ARL5B: variants seen among roughly 807,000 people sequenced by gnomAD.
ARL5B encodes ARF like GTPase 5B.
ARL5B carries 10 observed loss-of-function variants against 26.9 expected under a neutral mutation model. The ratio of observed to expected loss-of-function variants is 0.37; its 90% CI spans 0.23 to 0.63. The LOEUF is 0.63. Ranked by LOEUF, ARL5B falls within the 30% of genes least tolerant of loss-of-function variation. The pLI is 0.62. For missense variants in ARL5B, 167 were observed against 213.9 expected, an observed-to-expected ratio of 0.78 and a Z score of 1.37; for synonymous variants, 87 against 70.4, an observed-to-expected ratio of 1.24 and a Z score of -1.18.
rs1345979938 is a variant in ARL5B, at chr10:18,676,128, T to C, written c.*912T>C. On this transcript the variant is annotated 3_prime_UTR_variant, in exon 6 of 6. Transcript: ENST00000377275. ...TTTTAGCTCTTTTCTTTGCAAGATATATCACAGCTGCTTTGGGCAGTAGCT... is the reference window on the plus strand; with the variant it reads ...TTTTAGCTCTTTTCTTTGCAAGATACATCACAGCTGCTTTGGGCAGTAGCT... The C allele has an allele frequency of 2.0e-5, 3 of 152,644 alleles. No homozygotes were observed. Among genetic ancestry groups the C allele is most frequent in the East Asian group, 1.9e-4 (1 of 5,186 alleles). The allele number at this position is 152,644 out of a possible 1,614,324, so 9.5% of individuals were successfully genotyped here.
At chr10:18,673,534 TCA>T in intron 4 of ARL5B, among the ~76,000 whole-genome samples, 1 of 152,304 alleles carries the variant, frequency 6.6e-6, no homozygotes, top group Non-Finnish European at 1.5e-5. Flanking sequence ...TATGAGTATA[TCA>T]CAATCTATTC....
At position 18,675,174 on chromosome 10, in the gene ARL5B, C is replaced by T. The variant is rs1251471997; in HGVS notation, c.498C>T (p.Cys166=). 6.2e-7 allele frequency: 1 copy of T among 1,612,646 alleles called. No homozygotes were observed. Among genetic ancestry groups the T allele is most frequent in the Non-Finnish European group, 8.5e-7 (1 of 1,179,090 alleles). Residue 166 remains cysteine (C), a synonymous_variant, in exon 6 of 6, where the codon TGC becomes TGT. Coordinates refer to ENST00000377275, the MANE Select transcript of ARL5B (RefSeq NM_178815.5). ...SCCALTGEGL[C]QGLEWMTSRI... ...ACTTCTATCTTTTGTTTAGGTTATG[C>T]CAAGGTCTAGAGTGGATGACCTCCC...
At position 18,678,441 on chromosome 10, in the gene ARL5B, C is replaced by T. The variant is rs945569754; in HGVS notation, c.*3225C>T. 1 of 151,726 alleles carries T rather than the reference C, an allele frequency of 6.6e-6. No homozygotes were observed. The highest frequency in any genetic ancestry group is 2.4e-5 in the African/African-American group (1 of 41,388). The allele number at this position is 151,726 out of a possible 1,614,324, so 9.4% of individuals were successfully genotyped here. A position where few individuals can be genotyped will look rare whatever the true frequency, so the allele number is the denominator to read the frequency against. ...TAGGCAGTGCTGTAAACAATATTCT[C>T]TGAAAAGTTGTGGGGGTCACAAAGA... On this transcript the variant is annotated 3_prime_UTR_variant, in exon 6 of 6. Coordinates refer to ENST00000377275, the MANE Select transcript of ARL5B (RefSeq NM_178815.5).
At chr10:18,670,897 T>C (rs1292763997) in intron 3 of ARL5B, among the ~76,000 whole-genome samples, 1 of 152,214 alleles carries the variant, frequency 6.6e-6, no homozygotes, top group Non-Finnish European at 1.5e-5. Flanking sequence ...ATAAGTGATC[T>C]CTACAAGAAT....
Position 18,675,370 on chromosome 10 carries a change from A to G in ARL5B, c.*154A>G, listed in dbSNP as rs2059906025. Reference sequence around the variant, plus strand: ...TCAAGTGCAGCTGAACTGGAACATAAAAGATTTTTTCTTAACTTTTTTTTT... The same window carrying G: ...TCAAGTGCAGCTGAACTGGAACATAGAAGATTTTTTCTTAACTTTTTTTTT... On this transcript the variant is annotated 3_prime_UTR_variant, in exon 6 of 6. Transcript: ENST00000377275. The G allele has an allele frequency of 1.5e-6, 1 of 666,542 alleles. No homozygotes were observed. Among genetic ancestry groups the G allele is most frequent in the South Asian group, 2.4e-5 (1 of 42,136 alleles). The allele number at this position is 666,542 out of a possible 1,614,324, so 41.3% of individuals were successfully genotyped here.
At chr10:18,666,790 A>G (rs1000769139) in intron 2 of ARL5B, among the ~76,000 whole-genome samples, 155 bp downstream of exon 2, 15 of 152,202 alleles carry the variant, frequency 9.9e-5, no homozygotes, top group Middle Eastern at 6.3e-3. Context: ...TCTATAGAAA[A>G]GTGAGTGAAA....
At chr10:18,669,672 AT>A (rs11305973) in intron 3 of ARL5B, among the ~76,000 whole-genome samples, 84,140 of 151,832 alleles carry the variant, frequency 0.55, 23,879 homozygotes, top group East Asian at 0.97. Context: ...CTAACCAATT[AT>A]TTTTTTCTAA....
chr10:18,666,775 C>T, intron 2 of ARL5B, 140 bp downstream of exon 2: 1 of 634,150 alleles, frequency 1.6e-6, no homozygotes, highest in Non-Finnish European at 2.5e-6. Flanking sequence ...TTTTACCGAA[C>T]ACAATCTATA....
At chr10:18,664,713 C>T (rs2059853390) in intron 1 of ARL5B, among the ~76,000 whole-genome samples, 1 of 152,150 alleles carries the variant, frequency 6.6e-6, no homozygotes, top group Admixed American at 6.5e-5. Flanking sequence ...GCTAAGATTA[C>T]AGGCGTAAGG....
intron 3 of ARL5B, among the ~76,000 whole-genome samples, chr10:18,672,008 A>G (rs926492961): frequency 4.6e-5 from 7 of 152,180 alleles, no homozygotes; most frequent in East Asian, 3.9e-4. Flanking sequence ...TAGCTTTACC[A>G]ACAGATTTCT....
At chr10:18,660,634 A>G (rs2059828688) in intron 1 of ARL5B, among the ~76,000 whole-genome samples, 1 of 152,168 alleles carries the variant, frequency 6.6e-6, no homozygotes, top group Non-Finnish European at 1.5e-5. Flanking sequence ...TTGTGGAGGT[A>G]ATGGAATGGC....
intron 2 of ARL5B, 93 bp from the exon 3 acceptor site, chr10:18,668,437 C>A: frequency 2.2e-6 from 3 of 1,358,932 alleles, no homozygotes; most frequent in Non-Finnish European, 1.0e-6. Flanking sequence ...ATCATTGGTG[C>A]AGAAGGTTGA....
At chr10:18,659,770 G>T in intron 1 of ARL5B, 87 bp downstream of exon 1, 1 of 1,567,894 alleles carries the variant, frequency 6.4e-7, no homozygotes, top group Non-Finnish European at 8.6e-7. Flanking sequence ...GGGACAGAGC[G>T]TTCGGAGACG....
rs1407557051 is a variant in ARL5B at position 18,659,488 on chromosome 10, G to T, written c.-150G>T. 5.9e-6 allele frequency: 6 copies of T among 1,023,442 alleles called. No homozygotes were observed. Among genetic ancestry groups the T allele is most frequent in the Non-Finnish European group, 8.1e-6 (6 of 739,504 alleles). 63.4% of individuals were successfully genotyped at this position (1,023,442 alleles called of 1,614,324 possible). ...GATTCGTCGCGGCGCCTTCTGAGTG[G>T]TCGGGTCGAGGCTTCTCGGCCTAGC... is the stretch of plus-strand genomic sequence containing the variant. On this transcript the variant is annotated 5_prime_UTR_variant, in exon 1 of 6. Coordinates refer to ENST00000377275, the MANE Select transcript of ARL5B (RefSeq NM_178815.5).
At chr10:18,663,546 CTTTTTTTT>C (rs10645351) in intron 1 of ARL5B, among the ~76,000 whole-genome samples, 183 of 97,946 alleles carry the variant, frequency 1.9e-3, no homozygotes, top group African/African-American at 7.2e-3. Context: ...TTATTCTGCT[CTTTTTTTT>C]TTTTTTTTTT....
intron 1 of ARL5B, among the ~76,000 whole-genome samples, chr10:18,662,058 G>A (rs757789678): frequency 3.3e-5 from 5 of 152,278 alleles, no homozygotes; most frequent in Non-Finnish European, 5.9e-5. Flanking sequence ...CTATATTTTT[G>A]TTTTCTGCAT....
At chr10:18,669,972 T>C (rs1374059136) in intron 3 of ARL5B, among the ~76,000 whole-genome samples, 3 of 134,704 alleles carry the variant, frequency 2.2e-5, no homozygotes, top group African/African-American at 2.9e-5. Flanking sequence ...CCAGCCTGGG[T>C]GACAAAACGA....
Position 18,677,453 on chromosome 10 carries a change from G to A in ARL5B, c.*2237G>A, listed in dbSNP as rs2059915145. The A allele has an allele frequency of 6.6e-6, 1 of 152,276 alleles. No individual in the cohort carries two copies. Among genetic ancestry groups the A allele is most frequent in the African/African-American group, 2.4e-5 (1 of 41,422 alleles). The allele number at this position is 152,276 out of a possible 1,614,324, so 9.4% of individuals were successfully genotyped here. Reference sequence around the variant, plus strand: ...TTTATGTTAGCCATGTGTTGAAGATGAAATTGGCATCAGTGTAGACGGTGC... The same window carrying A: ...TTTATGTTAGCCATGTGTTGAAGATAAAATTGGCATCAGTGTAGACGGTGC... On this transcript the variant is annotated 3_prime_UTR_variant, in exon 6 of 6. Transcript: ENST00000377275.
At chr10:18,667,843 T>C (rs540959468) in intron 2 of ARL5B, among the ~76,000 whole-genome samples, 1 of 151,788 alleles carries the variant, frequency 6.6e-6, no homozygotes, top group East Asian at 1.9e-4. Flanking sequence ...GCTTCCAGAG[T>C]AGCTGGGATT....
Sources: allele counts gnomAD v4.1 joint callset (sites outside exome capture counted in the v4.1 genomes callset), GRCh38; gene constraint gnomAD v4.1.1; transcripts MANE v1.5; gene names NCBI Gene and HGNC (gene_info 2026-07-23, HGNC 2026-07-21).